PCMT1: variants seen among roughly 807,000 people sequenced by gnomAD.
PCMT1 encodes the protein protein-L-isoaspartate(D-aspartate) O-methyltransferase.
PCMT1 carries 9 observed loss-of-function variants against 29.2 expected under a neutral mutation model. The observed-to-expected ratio is 0.31, with a 90% confidence interval of 0.19 to 0.54. The LOEUF is 0.54. Among genes scored for constraint, PCMT1 ranks in the 20% least tolerant of loss-of-function variants. The pLI is 0.95. For synonymous variants in PCMT1, 98 were observed against 97.5 expected (o/e 1.00, Z -0.03); for missense variants, 184 against 282.2 (o/e 0.65, Z 2.49).
intron 6 of PCMT1, among the ~76,000 whole-genome samples, chr6:149,801,679 C>T (rs1583058090): frequency 6.6e-6 from 1 of 152,192 alleles, no homozygotes; most frequent in East Asian, 1.9e-4. Context: ...AACTCTTGAC[C>T]TCAAGTGATC....
At chr6:149,786,650 G>T (rs1788104264) in intron 3 of PCMT1, among the ~76,000 whole-genome samples, 1 of 150,978 alleles carries the variant, frequency 6.6e-6, no homozygotes, top group East Asian at 2.0e-4. Context: ...TCGCGGCCGG[G>T]CAGAGACGCT....
At chr6:149,807,562 G>A (rs2115352123) in intron 7 of PCMT1, among the ~76,000 whole-genome samples, 1 of 152,110 alleles carries the variant, frequency 6.6e-6, no homozygotes, top group Admixed American at 6.5e-5. Context: ...GTAGAGACGG[G>A]GTTTCACTGT....
intron 5 of PCMT1, chr6:149,794,983 A>G: frequency 2.6e-6 from 1 of 390,310 alleles, no homozygotes; most frequent in South Asian, 1.9e-5. Context: ...ATCACTTGTC[A>G]GGAGTTCGAG....
intron 3 of PCMT1, among the ~76,000 whole-genome samples, chr6:149,777,970 G>A (rs543996455): frequency 1.5e-4 from 21 of 144,434 alleles, no homozygotes; most frequent in South Asian, 9.3e-4. Flanking sequence ...TCTGCCTCCC[G>A]GATTCAAGTG....
intron 3 of PCMT1, among the ~76,000 whole-genome samples, chr6:149,779,052 C>G (rs921480974): frequency 9.2e-5 from 14 of 152,194 alleles, no homozygotes; most frequent in Non-Finnish European, 1.3e-4. Flanking sequence ...CCCACCCCCC[C>G]ACTCTGGTGC....
intron 6 of PCMT1, chr6:149,797,988 A>C (rs1788682773): frequency 6.6e-6 from 1 of 152,182 alleles, no homozygotes. Context: ...CAACATGGCA[A>C]AACTCCATCT....
At chr6:149,756,435 G>A (rs1160173442) in intron 1 of PCMT1, among the ~76,000 whole-genome samples, 1 of 135,596 alleles carries the variant, frequency 7.4e-6, no homozygotes. Flanking sequence ...TGCAACCTCT[G>A]TTTCCTGGGT....
chr6:149,799,866 T>TA (rs753561256), intron 6 of PCMT1, among the ~76,000 whole-genome samples: 41 of 152,190 alleles, frequency 2.7e-4, no homozygotes, highest in Non-Finnish European at 5.4e-4. Context: ...AAATCATAGT[T>TA]ACACAGTCAT....
rs1362826202 is a variant in PCMT1, at chr6:149,811,262, T to C, written c.*684T>C. 2 of 152,826 alleles carry C rather than the reference T, an allele frequency of 1.3e-5. No individual in the cohort carries two copies. The highest frequency in any genetic ancestry group is 6.5e-5 in the Admixed American group (1 of 15,288). The allele number at this position is 152,826 out of a possible 1,614,324, so 9.5% of individuals were successfully genotyped here. On this transcript the variant is annotated 3_prime_UTR_variant, in exon 8 of 8. Coordinates refer to ENST00000464889, the MANE Select transcript of PCMT1 (RefSeq NM_001360452.2). ...TGACTTAGTTCTTCCCTTCTCTCTC[T>C]CTCAAAATTATAGGAGACTTGTAGT...
chr6:149,792,301 C>G (rs868233824), intron 4 of PCMT1, among the ~76,000 whole-genome samples: 2 of 151,522 alleles, frequency 1.3e-5, no homozygotes, highest in African/African-American at 4.9e-5. Flanking sequence ...GCCAACAAAG[C>G]GAGACTTTAT....
At chr6:149,796,787 G>GT (rs947797784) in intron 6 of PCMT1, 83 of 259,796 alleles carry the variant, frequency 3.2e-4, no homozygotes, top group Non-Finnish European at 4.9e-4. Context: ...TGATAATCAG[G>GT]TTTTTTTTGT....
At chr6:149,770,034 A>G (rs1583019452) in intron 1 of PCMT1, among the ~76,000 whole-genome samples, 1 of 152,170 alleles carries the variant, frequency 6.6e-6, no homozygotes, top group East Asian at 1.9e-4. Context: ...ACTGCTCATC[A>G]TCTTTCATGG....
chr6:149,796,640 CTTTTCTT>C, intron 6 of PCMT1, 140 bp downstream of exon 6: 2 of 563,656 alleles, frequency 3.5e-6, no homozygotes, highest in Non-Finnish European at 6.3e-6. Context: ...AGCTGTTACT[CTTTTCTT>C]TTTTCATATG....
chr6:149,794,421 C>T (rs1181771757), intron 5 of PCMT1, among the ~76,000 whole-genome samples: 1 of 152,004 alleles, frequency 6.6e-6, no homozygotes, highest in Non-Finnish European at 1.5e-5. Context: ...AGTTTGAGAC[C>T]AGCCTGACCA....
intron 3 of PCMT1, among the ~76,000 whole-genome samples, chr6:149,785,731 C>G (rs1227200503): frequency 6.6e-6 from 1 of 151,524 alleles, no homozygotes; most frequent in Admixed American, 6.6e-5. Context: ...GGGGTAAGGT[C>G]ACAGATCAAC....
intron 4 of PCMT1, among the ~76,000 whole-genome samples, chr6:149,793,185 C>T (rs1788447443): frequency 6.6e-6 from 1 of 151,702 alleles, no homozygotes; most frequent in Non-Finnish European, 1.5e-5. Flanking sequence ...AAAGAAATTC[C>T]TCCCTGTCAA....
At chr6:149,755,310 T>C (rs1786465049) in intron 1 of PCMT1, among the ~76,000 whole-genome samples, 1 of 152,024 alleles carries the variant, frequency 6.6e-6, no homozygotes, top group Non-Finnish European at 1.5e-5. Flanking sequence ...CTCAGCTACA[T>C]GAGCTACGTG....
At chr6:149,789,894 A>C (rs1788284276) in intron 3 of PCMT1, 60 bp from the exon 4 acceptor site, 1 of 1,141,596 alleles carries the variant, frequency 8.8e-7, no homozygotes, top group Admixed American at 2.6e-5. Flanking sequence ...TGGCAACTTT[A>C]TTTATATACC....
At chr6:149,787,866 G>GT (rs1242072442) in intron 3 of PCMT1, among the ~76,000 whole-genome samples, 26 of 151,308 alleles carry the variant, frequency 1.7e-4, no homozygotes, top group Non-Finnish European at 1.6e-4. Context: ...TTATATTTCC[G>GT]TTTTTCTGAG....
Sources: allele counts gnomAD v4.1 joint callset (sites outside exome capture counted in the v4.1 genomes callset), GRCh38; gene constraint gnomAD v4.1.1; transcripts MANE v1.5; gene names NCBI Gene and HGNC (gene_info 2026-07-23, HGNC 2026-07-21).